The following EYA1 variants were observed in gnomAD, a reference collection of about 807,000 sequenced individuals.
EYA1 encodes protein phosphatase EYA1.
EYA1 carries 16 observed loss-of-function variants against 82.0 expected under a neutral mutation model. The ratio of observed to expected loss-of-function variants is 0.20; its 90% CI spans 0.13 to 0.30. EYA1 has a LOEUF of 0.30. Ranked by LOEUF, EYA1 falls within the 10% of genes least tolerant of loss-of-function variation. EYA1 has a pLI of 1.00. For synonymous variants in EYA1, 261 were observed against 264.4 expected, an observed-to-expected ratio of 0.99 and a Z score of 0.12; for missense variants, 633 against 730.7, an observed-to-expected ratio of 0.87 and a Z score of 1.54.
At chr8:71,349,639 A>C (rs914587821) in intron 3 of EYA1, among the ~76,000 whole-genome samples, 2 of 152,172 alleles carry the variant, frequency 1.3e-5, no homozygotes, top group Non-Finnish European at 2.9e-5. Flanking sequence ...TATAAGTTCC[A>C]ATTATGCTGC....
intron 2 of EYA1, among the ~76,000 whole-genome samples, chr8:71,395,592 A>G (rs963407868): frequency 1.3e-5 from 2 of 152,032 alleles, no homozygotes; most frequent in African/African-American, 4.8e-5. Context: ...GCTGGATTAC[A>G]TTTCTTGATT....
At chr8:71,297,842 T>C (rs1460243641) in intron 9 of EYA1, among the ~76,000 whole-genome samples, 2 of 152,134 alleles carry the variant, frequency 1.3e-5, no homozygotes, top group Non-Finnish European at 2.9e-5. Context: ...GTAAACTGAA[T>C]GAGGAATCAG....
At chr8:71,480,597 G>GA (rs1349318464) in intron 2 of EYA1, among the ~76,000 whole-genome samples, 3 of 151,536 alleles carry the variant, frequency 2.0e-5, no homozygotes, top group Admixed American at 1.3e-4. Context: ...CAGCTGAATA[G>GA]AAAAAAATCC....
chr8:71,391,115 A>G (rs1829254601), intron 2 of EYA1, among the ~76,000 whole-genome samples: 1 of 152,146 alleles, frequency 6.6e-6, no homozygotes, highest in South Asian at 2.1e-4. Context: ...CTAGGACTAC[A>G]GGTGTGTGCC....
rs148776507 is a variant in EYA1 at position 71,302,377 on chromosome 8, G to A, written c.557-2657C>T. Among the ~76,000 whole-genome samples, 237 of 152,228 alleles carry A rather than the reference G, an allele frequency of 1.6e-3. 1 individual carries two copies. The highest frequency in any genetic ancestry group is 5.5e-3 in the African/African-American group (230 of 41,524). ...AGCTATATTGGCACACACAGGCCAC[G>A]AGGGTCTGACCAAGTAAATCACAGT... is the stretch of plus-strand genomic sequence containing the variant. On this transcript the variant is annotated intron_variant, in intron 7 of 17. Transcript: ENST00000340726.
chr8:71,441,308 G>T (rs1246802749), intron 2 of EYA1, among the ~76,000 whole-genome samples: 4 of 152,120 alleles, frequency 2.6e-5, no homozygotes, highest in African/African-American at 9.7e-5. Flanking sequence ...TACTCAGGAG[G>T]CTGAGGTGGG....
rs190961880 is a variant in EYA1, at chr8:71,466,002, A to C, written c.33+69742T>G. ...AATAAATGAAAAGATTGTCCATCAAAACATTCTGCCCTAGATGGGCAACTG... is the reference window on the plus strand; with the variant it reads ...AATAAATGAAAAGATTGTCCATCAACACATTCTGCCCTAGATGGGCAACTG... On this transcript the variant is annotated intron_variant, in intron 2 of 18. Transcript: ENST00000643681. 1.6e-3 allele frequency among the ~76,000 whole-genome samples: 245 copies of C among 152,344 alleles called. 3 individuals are homozygous for C. The highest frequency in any genetic ancestry group is 5.6e-3 in the African/African-American group (232 of 41,582).
In EYA1 at chr8:71,199,249, T is replaced by G; in HGVS notation, c.*91A>C. On this transcript the variant is annotated 3_prime_UTR_variant, in exon 18 of 18. Transcript: ENST00000340726. The stretch of plus-strand genomic sequence containing the variant: ...GCATCACCAGGCGGAAATTGCTAAG[T>G]TCTGGAGGCCGGCGCTGATGCGAGA... 1.1e-6 allele frequency: 1 copy of G among 950,166 alleles called. No homozygotes were observed. The highest frequency in any genetic ancestry group is 1.6e-6 in the Non-Finnish European group (1 of 608,862). 58.9% of individuals were successfully genotyped at this position (950,166 alleles called of 1,614,324 possible). A position where few individuals can be genotyped will look rare whatever the true frequency, so the allele number is the denominator to read the frequency against.
chr8:71,441,102 AG>A (rs770164780), intron 2 of EYA1, among the ~76,000 whole-genome samples: 2 of 152,218 alleles, frequency 1.3e-5, no homozygotes, highest in Non-Finnish European at 2.9e-5. Context: ...CCCAAGGTTT[AG>A]GGATTGAATG....
At chr8:71,301,424 CT>C in intron 7 of EYA1, among the ~76,000 whole-genome samples, 1 of 152,160 alleles carries the variant, frequency 6.6e-6, no homozygotes, top group Admixed American at 6.5e-5. Flanking sequence ...GCAGCAAGCA[CT>C]TGTAAAATTC....
At chr8:71,240,743 C>T (rs964409245) in intron 12 of EYA1, among the ~76,000 whole-genome samples, 1 of 152,188 alleles carries the variant, frequency 6.6e-6, no homozygotes, top group African/African-American at 2.4e-5. Flanking sequence ...GACCTGTATC[C>T]ATCTTCATAA....
At chr8:71,481,244 T>A (rs1810132117) in intron 2 of EYA1, among the ~76,000 whole-genome samples, 1 of 152,222 alleles carries the variant, frequency 6.6e-6, no homozygotes, top group Admixed American at 6.5e-5. Context: ...GTTTAAACTC[T>A]AAGTATATGA....
intron 2 of EYA1, among the ~76,000 whole-genome samples, chr8:71,486,029 T>C (rs987648676): frequency 6.6e-6 from 1 of 152,188 alleles, no homozygotes; most frequent in East Asian, 1.9e-4. Context: ...CCAACAGTTC[T>C]GGCGGAATCT....
At chr8:71,334,275 T>C in intron 3 of EYA1, 101 bp from the exon 4 acceptor site, 1 of 961,074 alleles carries the variant, frequency 1.0e-6, no homozygotes, top group Non-Finnish European at 1.7e-6. Flanking sequence ...GAAAATCATT[T>C]CAAAAAACAT....
intron 2 of EYA1, among the ~76,000 whole-genome samples, chr8:71,451,899 C>A (rs1807409767): frequency 6.6e-6 from 1 of 152,188 alleles, no homozygotes; most frequent in Admixed American, 6.5e-5. Context: ...GTTCATCTCA[C>A]TGGGGCTCAT....
In EYA1 at chr8:71,481,641, T is replaced by C. The variant is rs1563657825; in HGVS notation, c.33+54103A>G. Among the ~76,000 whole-genome samples, 3 of 152,204 alleles carry C rather than the reference T, an allele frequency of 2.0e-5. No homozygotes were observed. In the South Asian group the frequency reaches 6.2e-4, roughly 31 times the overall value. On this transcript the variant is annotated intron_variant, in intron 2 of 18. Coordinates refer to the EYA1 transcript ENST00000643681. ...GGCCAATTTCCTTTACATGATGAGC[T>C]TAATATGCAGCTGTAAAGCAAGTTA...
intron 2 of EYA1, chr8:71,404,945 T>G (rs1248161138): frequency 6.8e-6 from 1 of 146,542 alleles, no homozygotes; most frequent in Non-Finnish European, 1.5e-5. Context: ...AAAAAAAGAT[T>G]CAGAAATATA....
At chr8:71,210,336 C>G (rs1487925674) in intron 17 of EYA1, among the ~76,000 whole-genome samples, 1 of 152,018 alleles carries the variant, frequency 6.6e-6, no homozygotes, top group South Asian at 2.1e-4. Context: ...GGAAAAGATT[C>G]CAAGGAGACA....
chr8:71,487,711 C>T (rs943277268), intron 2 of EYA1, among the ~76,000 whole-genome samples: 11 of 152,054 alleles, frequency 7.2e-5, no homozygotes, highest in African/African-American at 1.7e-4. Flanking sequence ...AAATGACTAA[C>T]GGGCATAAGA....
Sources: allele counts gnomAD v4.1 joint callset (sites outside exome capture counted in the v4.1 genomes callset), GRCh38; gene constraint gnomAD v4.1.1; transcripts MANE v1.5; gene names NCBI Gene and HGNC (gene_info 2026-07-23, HGNC 2026-07-21).